COMMD10: variants seen among roughly 807,000 people sequenced by gnomAD.
The protein encoded by COMMD10 is COMM domain-containing protein 10.
Under a neutral mutation model 28.9 loss-of-function variants are expected in COMMD10, and 33 were observed. The observed-to-expected ratio is 1.14, with a 90% CI of 0.87 to 1.53. The LOEUF (loss-of-function observed/expected upper bound fraction) is 1.53. Among genes scored for constraint, COMMD10 ranks in the 40% most tolerant of loss-of-function variants. The probability of loss-of-function intolerance (pLI) is 0.00; values close to 1 mark genes in which losing one functional copy is unlikely to be tolerated. For missense variants in COMMD10, 310 were observed against 233.4 expected (o/e 1.33, Z -2.14); for synonymous variants, 110 against 81.7 (o/e 1.35, Z -1.87).
At chr5:116,272,015 C>T (rs1750773087) in intron 5 of COMMD10, among the ~76,000 whole-genome samples, 1 of 151,646 alleles carries the variant, frequency 6.6e-6, no homozygotes, top group African/African-American at 2.4e-5. Context: ...TGTATTCAGT[C>T]CTCTGTGAAA....
intron 5 of COMMD10, among the ~76,000 whole-genome samples, chr5:116,144,345 C>G (rs774087845): frequency 9.9e-5 from 15 of 151,788 alleles, no homozygotes; most frequent in Admixed American, 2.6e-4. Flanking sequence ...TAGAGGGAAG[C>G]AGGGTCAGAG....
intron 5 of COMMD10, among the ~76,000 whole-genome samples, chr5:116,270,159 T>C (rs758610372): frequency 5.3e-5 from 8 of 151,898 alleles, no homozygotes; most frequent in Non-Finnish European, 8.8e-5. Context: ...GTTTTATCCT[T>C]TTACTAAAGG....
At chr5:116,164,398 T>G (rs1475215565) in intron 5 of COMMD10, among the ~76,000 whole-genome samples, 1 of 152,176 alleles carries the variant, frequency 6.6e-6, no homozygotes. Context: ...TTCCCCTACC[T>G]CCAAATAAGT....
At chr5:116,097,693 C>T (rs543212699) in intron 4 of COMMD10, among the ~76,000 whole-genome samples, 6 of 152,074 alleles carry the variant, frequency 3.9e-5, no homozygotes, top group East Asian at 3.9e-4. Flanking sequence ...GCAGGCTGTA[C>T]GGGAAGCATG....
intron 5 of COMMD10, among the ~76,000 whole-genome samples, chr5:116,245,581 A>C (rs1749928012): frequency 6.6e-6 from 1 of 152,168 alleles, no homozygotes; most frequent in Non-Finnish European, 1.5e-5. Flanking sequence ...CATTGATACA[A>C]AAGTCCTCAA....
chr5:116,217,993 A>C, intron 5 of COMMD10: 1 of 936,900 alleles, frequency 1.1e-6, no homozygotes, highest in Non-Finnish European at 1.7e-6. Context: ...CAGTCACCAG[A>C]AGTACACAGT....
intron 5 of COMMD10, among the ~76,000 whole-genome samples, chr5:116,170,235 A>G (rs1484685841): frequency 6.6e-6 from 1 of 152,168 alleles, no homozygotes; most frequent in African/African-American, 2.4e-5. Flanking sequence ...ACTCCCATTC[A>G]CAATTGCTAC....
intron 4 of COMMD10, among the ~76,000 whole-genome samples, chr5:116,094,855 ATGT>A (rs1750417426): frequency 6.6e-6 from 1 of 152,336 alleles, no homozygotes; most frequent in East Asian, 1.9e-4. Flanking sequence ...AGAGAGTGAA[ATGT>A]TGTTTGCAGC....
At chr5:116,153,979 C>T (rs74399740) in intron 5 of COMMD10, among the ~76,000 whole-genome samples, 8,138 of 151,980 alleles carry the variant, frequency 0.054, 306 homozygotes, top group African/African-American at 0.11. Context: ...AAAATAGAAT[C>T]CATACTGGAT....
intron 5 of COMMD10, among the ~76,000 whole-genome samples, chr5:116,163,003 G>C (rs536943547): frequency 7.9e-5 from 12 of 152,156 alleles, no homozygotes; most frequent in Admixed American, 2.0e-4. Flanking sequence ...TCCTCTCTCA[G>C]TTTCTAGAAA....
At chr5:116,102,220 G>C (rs1160736656) in intron 4 of COMMD10, among the ~76,000 whole-genome samples, 2 of 152,052 alleles carry the variant, frequency 1.3e-5, no homozygotes, top group Non-Finnish European at 2.9e-5. Context: ...AATTCATCTT[G>C]AGATTTTTTT....
At chr5:116,091,754 TG>T (rs929034475) in intron 3 of COMMD10, among the ~76,000 whole-genome samples, 17 of 152,320 alleles carry the variant, frequency 1.1e-4, no homozygotes, top group Non-Finnish European at 2.2e-4. Context: ...TTCTAATTTG[TG>T]GGGAGCAGGA....
intron 5 of COMMD10, among the ~76,000 whole-genome samples, chr5:116,263,024 CAT>C (rs376735251): frequency 2.0e-5 from 3 of 151,688 alleles, no homozygotes; most frequent in Non-Finnish European, 2.9e-5. Flanking sequence ...TCATGCTAAA[CAT>C]ATTTTTTAAT....
intron 5 of COMMD10, among the ~76,000 whole-genome samples, chr5:116,203,092 G>A (rs1323731186): frequency 6.6e-6 from 1 of 152,012 alleles, no homozygotes; most frequent in African/African-American, 2.4e-5. Context: ...TCCAGTTTCA[G>A]CTTTCTACAT....
intron 5 of COMMD10, among the ~76,000 whole-genome samples, chr5:116,202,683 T>C (rs1748700891): frequency 6.6e-6 from 1 of 151,858 alleles, no homozygotes; most frequent in African/African-American, 2.4e-5. Context: ...ATCAGTGTCT[T>C]CTTTTGAGAA....
intron 5 of COMMD10, among the ~76,000 whole-genome samples, chr5:116,207,282 A>C (rs1748837452): frequency 6.6e-6 from 1 of 152,168 alleles, no homozygotes; most frequent in East Asian, 1.9e-4. Flanking sequence ...TATGAACTGC[A>C]TTGTGTTTTA....
chr5:116,260,089 A>G (rs1750400130), intron 5 of COMMD10, among the ~76,000 whole-genome samples: 1 of 151,772 alleles, frequency 6.6e-6, no homozygotes, highest in East Asian at 1.9e-4. Flanking sequence ...ATGGAATTTG[A>G]GGGGAAAGGA....
At chr5:116,113,710 T>A (rs1281712387) in intron 4 of COMMD10, among the ~76,000 whole-genome samples, 1 of 152,160 alleles carries the variant, frequency 6.6e-6, no homozygotes, top group Non-Finnish European at 1.5e-5. Flanking sequence ...TTACTTTGTA[T>A]TAGTTTTCAG....
chr5:116,169,653 C>G (rs1254290753), intron 5 of COMMD10, among the ~76,000 whole-genome samples: 1 of 152,182 alleles, frequency 6.6e-6, no homozygotes, highest in African/African-American at 2.4e-5. Flanking sequence ...ATCAAGTCAG[C>G]TTCATCCCTG....
Sources: allele counts gnomAD v4.1 joint callset (sites outside exome capture counted in the v4.1 genomes callset), GRCh38; gene constraint gnomAD v4.1.1; transcripts MANE v1.5; gene names NCBI Gene and HGNC (gene_info 2026-07-23, HGNC 2026-07-21).